Variants in NXN observed in about 807,000 individuals in gnomAD.
NXN encodes nucleoredoxin 1.
A neutral mutation model predicts 48.6 loss-of-function variants in NXN; 16 were observed. That is an observed-to-expected ratio of 0.33 (90% confidence interval 0.22 to 0.50). NXN has a LOEUF of 0.50. Ranked by LOEUF, NXN falls within the 20% of genes least tolerant of loss-of-function variation. NXN has a pLI of 0.98. For missense variants in NXN, 492 were observed against 605.5 expected (o/e 0.81, Z 1.97); for synonymous variants, 281 against 269.6 (o/e 1.04, Z -0.41).
intron 1 of NXN, among the ~76,000 whole-genome samples, chr17:971,808 C>T (rs1231691590): frequency 2.0e-5 from 3 of 152,134 alleles, no homozygotes; most frequent in Non-Finnish European, 4.4e-5. Flanking sequence ...TTCAATGCAA[C>T]ACAGAAAACT....
intron 1 of NXN, chr17:864,193 C>T (rs1044180506): frequency 1.4e-5 from 20 of 1,448,302 alleles, no homozygotes; most frequent in African/African-American, 1.2e-4. Context: ...TGCTCGGTTC[C>T]GGTGAAGGGC....
At chr17:805,331 G>C (rs868187013) in intron 5 of NXN, 84 bp from the exon 6 acceptor site, 2 of 1,439,256 alleles carry the variant, frequency 1.4e-6, no homozygotes, top group Middle Eastern at 4.8e-4. Context: ...CCAGCCCGGG[G>C]TCCCCCCGAC....
intron 5 of NXN, among the ~76,000 whole-genome samples, chr17:812,862 GT>G (rs398119612): frequency 1.3e-5 from 1 of 77,206 alleles, no homozygotes; most frequent in Non-Finnish European, 2.8e-5. Context: ...ATGTGTGTAG[GT>G]GTGTGTGGGT....
At chr17:823,307 G>A (rs1165019644) in intron 3 of NXN, among the ~76,000 whole-genome samples, 2 of 149,888 alleles carry the variant, frequency 1.3e-5, no homozygotes, top group Admixed American at 6.6e-5. Context: ...GCTGAGGCAG[G>A]AGAATCACTT....
intron 1 of NXN, among the ~76,000 whole-genome samples, chr17:842,811 C>T (rs993784576): frequency 2.6e-5 from 4 of 152,092 alleles, no homozygotes; most frequent in African/African-American, 9.7e-5. Context: ...TGGTTGCACA[C>T]GCCTGTAATC....
At position 943,718 on chromosome 17, in the gene NXN, G is replaced by A. The variant is rs117761037; in HGVS notation, c.360+35601C>T. On this transcript the variant is annotated intron_variant, in intron 1 of 7. Transcript: ENST00000336868. ...ACGCCTGTAATCCCAGCTACGACTC[G>A]GGGGGCTGAGACAGGAGAACTGCTT... 3.4e-3 allele frequency among the ~76,000 whole-genome samples: 512 copies of A among 151,586 alleles called. 19 individuals carry two copies. The East Asian group carries it at 0.058, about 17-fold the overall frequency.
At chr17:911,484 C>T (rs1183337291) in intron 1 of NXN, among the ~76,000 whole-genome samples, 4 of 151,794 alleles carry the variant, frequency 2.6e-5, no homozygotes, top group East Asian at 3.9e-4. Flanking sequence ...GGACTACAGA[C>T]GCCCGGCTAA....
intron 1 of NXN, among the ~76,000 whole-genome samples, chr17:888,837 C>G (rs1383410608): frequency 1.3e-5 from 2 of 151,832 alleles, no homozygotes; most frequent in African/African-American, 4.8e-5. Flanking sequence ...CACCTGTAAT[C>G]CCAGCTACCC....
chr17:852,560 C>T (rs1264203759), intron 1 of NXN, among the ~76,000 whole-genome samples: 1 of 152,180 alleles, frequency 6.6e-6, no homozygotes, highest in African/African-American at 2.4e-5. Flanking sequence ...CTTTCCTTTC[C>T]AGCTCCCAGA....
intron 5 of NXN, among the ~76,000 whole-genome samples, chr17:812,101 G>C (rs901764770): frequency 1.3e-5 from 2 of 150,678 alleles, no homozygotes; most frequent in African/African-American, 2.5e-5. Flanking sequence ...CTAATTTTTT[G>C]TATTTTTAAT....
intron 5 of NXN, among the ~76,000 whole-genome samples, chr17:817,963 C>G (rs1258547747): frequency 6.6e-6 from 1 of 151,638 alleles, no homozygotes; most frequent in Non-Finnish European, 1.5e-5. Context: ...GTCTCATTAA[C>G]AATCATTATT....
intron 7 of NXN, 37 bp from the exon 8 acceptor site, chr17:801,168 T>C (rs1911182759): frequency 1.4e-6 from 2 of 1,469,748 alleles, no homozygotes; most frequent in East Asian, 5.3e-5. Flanking sequence ...CCAAGAAGTT[T>C]TAAAGAAAGG....
chr17:818,768 C>CCAGCTA (rs1457548935), intron 5 of NXN, among the ~76,000 whole-genome samples: 1 of 151,742 alleles, frequency 6.6e-6, no homozygotes, highest in African/African-American at 2.4e-5. Context: ...GCCTGTAGTC[C>CCAGCTA]CAGCTACTGG....
At chr17:805,718 G>A (rs529854449) in intron 5 of NXN, among the ~76,000 whole-genome samples, 7 of 152,236 alleles carry the variant, frequency 4.6e-5, no homozygotes, top group South Asian at 2.1e-4. Flanking sequence ...GGCGCCTGTA[G>A]TCCCAGCTAC....
intron 1 of NXN, among the ~76,000 whole-genome samples, chr17:862,927 G>A (rs571566668): frequency 4.7e-4 from 71 of 152,190 alleles, no homozygotes; most frequent in African/African-American, 1.6e-3. Context: ...GTATGATAAC[G>A]GTATTATTGC....
At position 839,797 on chromosome 17, in the gene NXN, TAAAAA is replaced by T. The variant is rs553678056; in HGVS notation, c.361-13724_361-13720del. Among the ~76,000 whole-genome samples, 2 of 57,260 alleles carry T rather than the reference TAAAAA, an allele frequency of 3.5e-5. 1 individual carries two copies. Among genetic ancestry groups the T allele is most frequent in the Non-Finnish European group, 6.2e-5 (2 of 32,002 alleles). The allele number at this position is 57,260 out of a possible 152,430, so 37.6% of individuals were successfully genotyped here. ...CAGCCTGGCGACAGAGAGACCTTGT[TAAAAA>T]AAAAAAAAAAAAGGCCAGGCACGGT... On this transcript the variant is annotated intron_variant, in intron 1 of 7. Transcript: ENST00000336868.
rs567830652 is a variant in NXN, at chr17:842,887, C to T, written c.361-16809G>A. ...CTGGGAGGCGGAGGTTGCGGTAAGC[C>T]GAGATCGCGCCATTGCACTCCAGCC... On this transcript the variant is annotated intron_variant, in intron 1 of 7. Transcript: ENST00000336868. Among the ~76,000 whole-genome samples the T allele has an allele frequency of 2.4e-3, 359 of 151,674 alleles. 1 individual carries two copies. The highest frequency in any genetic ancestry group is 6.6e-3 in the African/African-American group (272 of 41,316).
At chr17:901,739 G>T (rs1362335456) in intron 1 of NXN, among the ~76,000 whole-genome samples, 1 of 152,042 alleles carries the variant, frequency 6.6e-6, no homozygotes, top group African/African-American at 2.4e-5. Flanking sequence ...TCGCTCTGTC[G>T]CCCAAGCCGC....
intron 1 of NXN, among the ~76,000 whole-genome samples, chr17:885,516 G>A (rs1208032226): frequency 6.6e-6 from 1 of 151,428 alleles, no homozygotes; most frequent in Non-Finnish European, 1.5e-5. Context: ...AAGAGTTCAG[G>A]ATTTCATAGT....
Sources: allele counts gnomAD v4.1 joint callset (sites outside exome capture counted in the v4.1 genomes callset), GRCh38; gene constraint gnomAD v4.1.1; transcripts MANE v1.5; gene names NCBI Gene and HGNC (gene_info 2026-07-23, HGNC 2026-07-21).